Variants in PHEX observed in about 807,000 individuals in gnomAD.
PHEX encodes the protein phosphate-regulating neutral endopeptidase PHEX.
PHEX carries 16 observed loss-of-function variants against 68.0 expected under a neutral mutation model. That is an observed-to-expected ratio of 0.24 (90% CI 0.16 to 0.36). PHEX has a LOEUF of 0.36. Ranked by LOEUF, PHEX falls within the 10% of genes least tolerant of loss-of-function variation. PHEX has a pLI of 1.00. For missense variants in PHEX, 480 were observed against 575.5 expected (o/e 0.83, Z 1.70); for synonymous variants, 208 against 205.1 (o/e 1.01, Z -0.12).
At chrX:22,136,566 T>C (rs1932240528) in intron 12 of PHEX, among the ~76,000 whole-genome samples, 1 of 112,199 alleles carries the variant, frequency 8.9e-6, no homozygotes, top group Non-Finnish European at 1.9e-5. Flanking sequence ...GAAGCTTTTC[T>C]TTCCCTCACC....
At chrX:22,209,485 C>T (rs1233642426) in intron 15 of PHEX, among the ~76,000 whole-genome samples, 4 of 107,286 alleles carry the variant, frequency 3.7e-5, no homozygotes, top group African/African-American at 1.4e-4. Context: ...TTTTCCATAT[C>T]GCCACATAGT....
chrX:22,036,054 ATTT>A (rs72347239), intron 1 of PHEX, among the ~76,000 whole-genome samples: 7,768 of 55,590 alleles, frequency 0.14, 413 homozygotes, highest in East Asian at 0.17. Context: ...ATATATATAT[ATTT>A]TTTTTTTTTT....
chrX:22,055,718 G>A (rs1195082126), intron 3 of PHEX, among the ~76,000 whole-genome samples: 1 of 111,486 alleles, frequency 9.0e-6, no homozygotes, highest in East Asian at 2.8e-4. Flanking sequence ...TGTGCCACAT[G>A]CCCAGCTAAT....
At chrX:22,193,977 G>A (rs1934284542) in intron 15 of PHEX, among the ~76,000 whole-genome samples, 1 of 111,858 alleles carries the variant, frequency 8.9e-6, no homozygotes, top group African/African-American at 3.2e-5. Context: ...AAGAAAAGCC[G>A]ACGTTTCCGC....
chrX:22,246,423 T>C (rs769188489), intron 21 of PHEX, among the ~76,000 whole-genome samples: 2 of 111,931 alleles, frequency 1.8e-5, no homozygotes, highest in East Asian at 2.8e-4. Flanking sequence ...GATCTTGCCT[T>C]AGAAATGCTT....
At chrX:22,094,490 C>T in intron 7 of PHEX, among the ~76,000 whole-genome samples, 1 of 112,346 alleles carries the variant, frequency 8.9e-6, no homozygotes, top group Non-Finnish European at 1.9e-5. Context: ...TGGAAGGTTG[C>T]TTTTAATCCA....
chrX:22,100,433 C>T (rs1287085366), intron 9 of PHEX, among the ~76,000 whole-genome samples: 3 of 111,799 alleles, frequency 2.7e-5, no homozygotes, highest in Non-Finnish European at 3.8e-5. Flanking sequence ...AAATATGACC[C>T]AAACGATTTT....
rs760178558 is a variant in PHEX at position 22,244,845 on chromosome X, G to T, written c.2071-488G>T. On this transcript the variant is annotated intron_variant, in intron 20 of 21. Transcript: ENST00000379374. The stretch of plus-strand genomic sequence containing the variant: ...TGGCCAGAACAAGCCATATCGCCAT[G>T]CCCAACTTCAAAGGAGATGGAGAAG... Among the ~76,000 whole-genome samples, 1,032 of 111,613 alleles carry T rather than the reference G, an allele frequency of 9.2e-3. 9 individuals are homozygous for T. Among genetic ancestry groups the T allele is most frequent in the African/African-American group, 0.032 (985 of 30,678 alleles).
Position 22,077,632 on chromosome X carries a change from A to T in PHEX, c.593A>T (p.Tyr198Phe). Reference protein sequence around the residue: ...LQTLATFRGQYSNSVFIRLYV... With the variant: ...LQTLATFRGQFSNSVFIRLYV... ...ACACTTGCAACGTTTCGTGGTCAAT[A>T]CAGCAATTCTGTGTTCATCCGTTTG... The change falls in exon 5 of 22, where the codon TAC (tyrosine) becomes TTC (phenylalanine). Residue 198 changes from tyrosine to phenylalanine, a missense_variant. By Grantham distance (22) the Tyr-to-Phe change is conservative (BLOSUM62 3). Coordinates refer to ENST00000379374, the MANE Select transcript of PHEX (RefSeq NM_000444.6). The T allele has an allele frequency of 8.3e-7, 1 of 1,211,047 alleles. No homozygotes were observed.
chrX:22,232,819 G>T (rs1160747156), intron 20 of PHEX, among the ~76,000 whole-genome samples: 1 of 109,421 alleles, frequency 9.1e-6, no homozygotes, highest in African/African-American at 3.3e-5. Flanking sequence ...ATTGTTACGT[G>T]TGAATTTGAT....
In PHEX at chrX:22,249,128, G is replaced by C. The variant is rs1249341050; in HGVS notation, c.*1175G>C. On this transcript the variant is annotated 3_prime_UTR_variant, in exon 22 of 22. Coordinates refer to ENST00000379374, the MANE Select transcript of PHEX (RefSeq NM_000444.6). ...ATTTTTACTCTTCAAGTCATCTAAA[G>C]AGTTGTGAGAAAGAGCAGTACTATG... The C allele has an allele frequency of 3.0e-4, 33 of 109,080 alleles. No individual in the cohort carries two copies. Among genetic ancestry groups the C allele is most frequent in the Admixed American group, 2.9e-3 (29 of 10,083 alleles). 9.0% of individuals were successfully genotyped at this position (109,080 alleles called of 1,213,427 possible).
intron 14 of PHEX, among the ~76,000 whole-genome samples, chrX:22,184,242 TG>T (rs202088732): frequency 0.027 from 2,948 of 110,284 alleles, 107 homozygotes; most frequent in African/African-American, 0.093. Flanking sequence ...TTTTCCTTCT[TG>T]TTTTTTTTTT....
At chrX:22,218,934 A>G in intron 16 of PHEX, 102 bp from the exon 17 acceptor site, 1 of 574,963 alleles carries the variant, frequency 1.7e-6, no homozygotes, top group Non-Finnish European at 3.1e-6. Flanking sequence ...TACCATGGTT[A>G]CTAGAAAGCA....
intron 20 of PHEX, among the ~76,000 whole-genome samples, chrX:22,230,561 T>C (rs904858917): frequency 2.7e-5 from 3 of 109,976 alleles, no homozygotes; most frequent in South Asian, 4.0e-4. Context: ...AGTTGACTCA[T>C]GATTTGGCTC....
At chrX:22,152,559 C>T (rs1476165500) in intron 12 of PHEX, among the ~76,000 whole-genome samples, 1 of 111,780 alleles carries the variant, frequency 8.9e-6, no homozygotes, top group Non-Finnish European at 1.9e-5. Flanking sequence ...GTTTATTAAA[C>T]TGTGTGTCTT....
chrX:22,131,246 G>A (rs1931986256), intron 11 of PHEX, among the ~76,000 whole-genome samples: 2 of 110,635 alleles, frequency 1.8e-5, no homozygotes, highest in Non-Finnish European at 3.8e-5. Context: ...TCACCATGTT[G>A]GCCAGGCTGG....
At chrX:22,168,463 G>A (rs2147118947) in intron 13 of PHEX, 74 bp downstream of exon 13, 1 of 662,669 alleles carries the variant, frequency 1.5e-6, no homozygotes, top group Non-Finnish European at 2.5e-6. Context: ...ACTAACCCAA[G>A]TCCTAGCAAT....
intron 15 of PHEX, among the ~76,000 whole-genome samples, chrX:22,193,010 G>A (rs1257825989): frequency 9.0e-6 from 1 of 111,047 alleles, no homozygotes; most frequent in Admixed American, 9.7e-5. Flanking sequence ...ACATAACCAA[G>A]TAAGTTGTTA....
chrX:22,055,568 C>CT (rs113918782), intron 3 of PHEX, among the ~76,000 whole-genome samples: 34 of 104,670 alleles, frequency 3.2e-4, no homozygotes, highest in Admixed American at 7.1e-4. Context: ...GTCAGGTTTT[C>CT]TTTTTTTTTT....
Sources: allele counts gnomAD v4.1 joint callset (sites outside exome capture counted in the v4.1 genomes callset), GRCh38; gene constraint gnomAD v4.1.1; transcripts MANE v1.5; gene names NCBI Gene and HGNC (gene_info 2026-07-23, HGNC 2026-07-21).